BICRAL: variants seen among roughly 807,000 people sequenced by gnomAD.
BICRAL encodes BICRA like chromatin remodeling complex associated protein, also known as BRD4-interacting chromatin-remodeling complex-associated protein-like.
BICRAL carries 8 observed loss-of-function variants against 91.8 expected under a neutral mutation model. The observed-to-expected ratio is 0.09, with a 90% confidence interval of 0.05 to 0.16. The LOEUF (loss-of-function observed/expected upper bound fraction) is 0.16. BICRAL is among the 10% of genes least tolerant of loss of function. BICRAL has a pLI of 1.00. For missense variants in BICRAL, 1,038 were observed against 1,310.9 expected, an observed-to-expected ratio of 0.79 and a Z score of 3.21; for synonymous variants, 445 against 491.1, an observed-to-expected ratio of 0.91 and a Z score of 1.24.
At chr6:42,746,577 G>T (rs1437659149), upstream of BICRAL, among the ~76,000 whole-genome samples, 1 of 152,070 alleles carries the variant, frequency 6.6e-6, no homozygotes, top group African/African-American at 2.4e-5. Context: ...ATATTGCACC[G>T]CCTGGCCCGC....
intron 1 of BICRAL, among the ~76,000 whole-genome samples, chr6:42,791,357 T>C (rs190525632): frequency 2.0e-4 from 30 of 152,272 alleles, no homozygotes; most frequent in African/African-American, 7.0e-4. Context: ...GGCTCTCTTA[T>C]CTTGCAAACA....
At chr6:42,792,256 A>G (rs894949849) in intron 1 of BICRAL, among the ~76,000 whole-genome samples, 4 of 152,072 alleles carry the variant, frequency 2.6e-5, no homozygotes, top group African/African-American at 9.7e-5. Context: ...GCTTACTGTA[A>G]CTTTTTTTCT....
At chr6:42,857,062 C>A in intron 9 of BICRAL, 29 bp from the exon 10 acceptor site, 2 of 1,575,626 alleles carry the variant, frequency 1.3e-6, no homozygotes, top group Non-Finnish European at 1.7e-6. Context: ...CATGACTTTA[C>A]ATTGACATTG....
At chr6:42,761,912 AAAAG>A (rs1324574330) in intron 1 of BICRAL, among the ~76,000 whole-genome samples, 2 of 152,250 alleles carry the variant, frequency 1.3e-5, no homozygotes, top group African/African-American at 2.4e-5. Flanking sequence ...TCAAAAAAAA[AAAAG>A]AAAGAAAAAG....
At chr6:42,853,044 G>A (rs1195098461) in intron 7 of BICRAL, among the ~76,000 whole-genome samples, 2 of 137,164 alleles carry the variant, frequency 1.5e-5, no homozygotes, top group African/African-American at 5.4e-5. Flanking sequence ...CAGCCTGGGC[G>A]ACAGAACAAG....
chr6:42,850,623 C>A (rs530696717), intron 6 of BICRAL, among the ~76,000 whole-genome samples: 1 of 151,922 alleles, frequency 6.6e-6, no homozygotes, highest in African/African-American at 2.4e-5. Flanking sequence ...CGGTGGCTCA[C>A]GTTTGTAATC....
chr6:42,834,627 T>A (rs1764589685), intron 6 of BICRAL, among the ~76,000 whole-genome samples: 1 of 152,172 alleles, frequency 6.6e-6, no homozygotes, highest in Admixed American at 6.5e-5. Context: ...CAGTGGGTTA[T>A]AAACTGACTA....
chr6:42,836,619 CTTTT>C (rs962446384), intron 6 of BICRAL, among the ~76,000 whole-genome samples: 1 of 125,354 alleles, frequency 8.0e-6, no homozygotes, highest in Admixed American at 8.0e-5. Context: ...TGTGTAGTTT[CTTTT>C]TTTTTTTTTT....
chr6:42,798,424 T>C (rs1468408275), intron 1 of BICRAL, among the ~76,000 whole-genome samples: 1 of 152,042 alleles, frequency 6.6e-6, no homozygotes, highest in African/African-American at 2.4e-5. Flanking sequence ...GGGCCGGGCA[T>C]GGTGGCTCAT....
chr6:42,769,326 C>CT (rs1258940255), intron 1 of BICRAL, among the ~76,000 whole-genome samples: 1 of 152,194 alleles, frequency 6.6e-6, no homozygotes, highest in Non-Finnish European at 1.5e-5. Flanking sequence ...CATAGACTCT[C>CT]TGAGTGTCCT....
chr6:42,798,810 G>A (rs893770354), intron 1 of BICRAL, among the ~76,000 whole-genome samples: 5 of 152,080 alleles, frequency 3.3e-5, no homozygotes, highest in African/African-American at 4.8e-5. Context: ...TGCTCCTTGC[G>A]GAGCGTGGCT....
intron 6 of BICRAL, among the ~76,000 whole-genome samples, chr6:42,848,060 C>T (rs1239380611): frequency 2.6e-5 from 4 of 151,850 alleles, no homozygotes; most frequent in East Asian, 1.9e-4. Context: ...ACCCAGGAGG[C>T]GGAGCTTGCA....
intron 8 of BICRAL, 115 bp from the exon 9 acceptor site, chr6:42,855,741 C>T (rs1225857619): frequency 1.2e-5 from 9 of 773,444 alleles, no homozygotes; most frequent in East Asian, 1.0e-4. Context: ...ATTCTGTAGT[C>T]TTAGAATATG....
Position 42,857,094 on chromosome 6 carries a change from T to C in BICRAL, c.2112T>C (p.Ile704=). ...AAKQLTKGAF[I]LQQLQRDQAH... ...ATTGACCATTTCCCTTGTAAAGCAT[T>C]CTCCAGCAGTTGCAGAGGGACCAAG... The change falls in exon 10 of 13, where the codon ATT becomes ATC. Residue 704 remains isoleucine (I), a synonymous_variant. Coordinates refer to ENST00000314073, the MANE Select transcript of BICRAL (RefSeq NM_001393499.1). The C allele has an allele frequency of 4.3e-6, 7 of 1,610,378 alleles. No individual in the cohort carries two copies. The highest frequency in any genetic ancestry group is 5.9e-6 in the Non-Finnish European group (7 of 1,178,308).
intron 2 of BICRAL, among the ~76,000 whole-genome samples, chr6:42,818,810 C>T (rs944217345): frequency 1.2e-4 from 18 of 152,114 alleles, no homozygotes; most frequent in African/African-American, 4.1e-4. Flanking sequence ...TTTTCCCCAC[C>T]GCTTTGAAAC....
intron 1 of BICRAL, among the ~76,000 whole-genome samples, chr6:42,753,859 G>A (rs906905741): frequency 1.3e-5 from 2 of 152,098 alleles, no homozygotes; most frequent in African/African-American, 4.8e-5. Context: ...TGATCTGCCC[G>A]CCTCAGCTTC....
chr6:42,803,515 A>C (rs1294196396), intron 1 of BICRAL, among the ~76,000 whole-genome samples: 1 of 152,186 alleles, frequency 6.6e-6, no homozygotes, highest in African/African-American at 2.4e-5. Context: ...GCCTTGGTGC[A>C]TATTCTTGGA....
chr6:42,763,386 A>G (rs1191430869), intron 1 of BICRAL, among the ~76,000 whole-genome samples: 1 of 152,246 alleles, frequency 6.6e-6, no homozygotes, highest in African/African-American at 2.4e-5. Flanking sequence ...ACTGAGTTCA[A>G]ATACTTTTAA....
At chr6:42,839,699 G>A (rs181907149) in intron 6 of BICRAL, among the ~76,000 whole-genome samples, 1 of 152,016 alleles carries the variant, frequency 6.6e-6, no homozygotes, top group Non-Finnish European at 1.5e-5. Context: ...TGTATTTAAT[G>A]TATTATTTCT....
Sources: gnomAD v4.1 joint callset for allele counts (sites outside exome capture counted in the v4.1 genomes callset) on GRCh38, gnomAD v4.1.1 for gene constraint, MANE v1.5 for transcripts, NCBI Gene and HGNC (gene_info 2026-07-23, HGNC 2026-07-21) for gene names.